Variants in SMOC1 observed in about 807,000 individuals in gnomAD.
The protein encoded by SMOC1 is SPARC-related modular calcium-binding protein 1.
In SMOC1, 22 loss-of-function variants were observed where a neutral mutation model predicts 56.3. That is an observed-to-expected ratio of 0.39 (90% CI 0.28 to 0.56). SMOC1 has a LOEUF of 0.56. SMOC1 is among the 20% of genes least tolerant of loss of function. The probability of loss-of-function intolerance (pLI) is 0.61; values close to 1 mark genes in which losing one functional copy is unlikely to be tolerated. For synonymous variants in SMOC1, 193 were observed against 215.0 expected (o/e 0.90, Z 0.89); for missense variants, 509 against 565.4 (o/e 0.90, Z 1.01).
At chr14:70,025,926 T>C (rs2139621825) in intron 11 of SMOC1, among the ~76,000 whole-genome samples, 1 of 152,260 alleles carries the variant, frequency 6.6e-6, no homozygotes. Context: ...TCCTGAGAAA[T>C]TGAAATAACT....
At chr14:69,889,833 C>T (rs1265766962) in intron 1 of SMOC1, among the ~76,000 whole-genome samples, 2 of 152,206 alleles carry the variant, frequency 1.3e-5, no homozygotes, top group African/African-American at 4.8e-5. Flanking sequence ...TGGCCCCTTC[C>T]ACCTTTAAAG....
chr14:69,891,177 T>C (rs763048842), intron 1 of SMOC1, among the ~76,000 whole-genome samples: 2 of 152,216 alleles, frequency 1.3e-5, no homozygotes, highest in African/African-American at 2.4e-5. Flanking sequence ...ATTGTTTAGA[T>C]GTAAAAAATG....
At chr14:69,948,489 A>G (rs1882872830) in intron 1 of SMOC1, among the ~76,000 whole-genome samples, 1 of 152,140 alleles carries the variant, frequency 6.6e-6, no homozygotes, top group South Asian at 2.1e-4. Flanking sequence ...CTTGTTAGGA[A>G]GCTGGTCTCT....
intron 7 of SMOC1, among the ~76,000 whole-genome samples, chr14:69,999,426 C>G (rs1009087964): frequency 6.6e-6 from 1 of 152,164 alleles, no homozygotes; most frequent in African/African-American, 2.4e-5. Flanking sequence ...CAGCGGTAGC[C>G]GTCGTAAGCA....
chr14:69,888,416 C>A (rs997919932), intron 1 of SMOC1, among the ~76,000 whole-genome samples: 2 of 152,188 alleles, frequency 1.3e-5, no homozygotes, highest in African/African-American at 2.4e-5. Context: ...TGGACGTCAC[C>A]TTGGTTGATT....
At chr14:69,978,037 A>C in intron 5 of SMOC1, 72 bp downstream of exon 5, 1 of 1,225,184 alleles carries the variant, frequency 8.2e-7, no homozygotes, top group South Asian at 1.2e-5. Context: ...CTTAGATGAG[A>C]TAGAAGGAGC....
chr14:69,881,978 A>G (rs1180854374), intron 1 of SMOC1, among the ~76,000 whole-genome samples: 2 of 152,204 alleles, frequency 1.3e-5, no homozygotes, highest in Non-Finnish European at 2.9e-5. Context: ...AGGCAGCTAT[A>G]GTGAGTGTTC....
intron 8 of SMOC1, 36 bp from the exon 9 acceptor site, chr14:70,011,449 C>CA: frequency 1.6e-6 from 2 of 1,257,900 alleles, no homozygotes; most frequent in Non-Finnish European, 2.3e-6. Context: ...CAGTTGCCAG[C>CA]CCCTCCCAAC....
intron 1 of SMOC1, among the ~76,000 whole-genome samples, chr14:69,944,180 T>C (rs1471217337): frequency 6.6e-6 from 1 of 152,216 alleles, no homozygotes; most frequent in Non-Finnish European, 1.5e-5. Context: ...GGACAAGCAA[T>C]GTAAAATTAA....
At chr14:69,987,491 C>G (rs1202226650) in intron 5 of SMOC1, among the ~76,000 whole-genome samples, 1 of 152,152 alleles carries the variant, frequency 6.6e-6, no homozygotes, top group East Asian at 1.9e-4. Flanking sequence ...TTGTATGTGG[C>G]CAGAATAAAC....
intron 1 of SMOC1, among the ~76,000 whole-genome samples, chr14:69,921,931 A>G (rs183139314): frequency 1.4e-4 from 21 of 152,270 alleles, no homozygotes; most frequent in African/African-American, 4.1e-4. Context: ...GCTCTGGATG[A>G]ATTGGGCTGG....
rs571549045 is a variant in SMOC1, at chr14:70,005,242, G to T, written c.665-5512G>T. Among the ~76,000 whole-genome samples the T allele has an allele frequency of 3.6e-4, 55 of 152,336 alleles. No homozygotes were observed. In the Middle Eastern group the frequency reaches 0.01, roughly 28 times the overall value. On this transcript the variant is annotated intron_variant, in intron 7 of 11. Coordinates refer to ENST00000361956, the MANE Select transcript of SMOC1 (RefSeq NM_001034852.3). ...TCTGGGATAAAAGACTAAACTCTGG[G>T]CTAAAATCAAGTCTGGGGATTAGCT...
chr14:69,881,551 A>G (rs1443877892), intron 1 of SMOC1, among the ~76,000 whole-genome samples: 1 of 152,146 alleles, frequency 6.6e-6, no homozygotes, highest in African/African-American at 2.4e-5. Context: ...TTAATTTGAT[A>G]GAAGTGATGG....
intron 7 of SMOC1, among the ~76,000 whole-genome samples, chr14:70,005,201 T>A (rs962426458): frequency 2.0e-5 from 3 of 152,246 alleles, no homozygotes; most frequent in Non-Finnish European, 2.9e-5. Context: ...AAAAAGATGA[T>A]GAAGAAGAAA....
At chr14:69,993,799 G>C (rs1884659204) in intron 6 of SMOC1, among the ~76,000 whole-genome samples, 1 of 152,104 alleles carries the variant, frequency 6.6e-6, no homozygotes, top group South Asian at 2.1e-4. Context: ...CTCATTGAAG[G>C]TCACTCCACA....
chr14:69,996,971 T>C (rs12101270), intron 7 of SMOC1, among the ~76,000 whole-genome samples: 24,638 of 152,254 alleles, frequency 0.16, 2,717 homozygotes, highest in East Asian at 0.4. Context: ...CATATATTTG[T>C]GTAGTGTCTG....
chr14:70,016,739 C>T lies in SMOC1; in HGVS notation c.1046+3248C>T, dbSNP rs1350661078. Among the ~76,000 whole-genome samples the T allele has an allele frequency of 2.0e-5, 3 of 152,280 alleles. No individual in the cohort carries two copies. The South Asian group carries it at 6.2e-4, about 32-fold the overall frequency. On this transcript the variant is annotated intron_variant, in intron 10 of 11. Coordinates refer to ENST00000361956, the MANE Select transcript of SMOC1 (RefSeq NM_001034852.3). ...TACTGGTTCTCCTCAGTTCTGGTTCCTCAAACAAGTCAAGCTCTTGCCTGT... is the reference window on the plus strand; with the variant it reads ...TACTGGTTCTCCTCAGTTCTGGTTCTTCAAACAAGTCAAGCTCTTGCCTGT...
chr14:69,944,913 A>G (rs979797823), intron 1 of SMOC1, among the ~76,000 whole-genome samples: 1 of 152,308 alleles, frequency 6.6e-6, no homozygotes, highest in East Asian at 1.9e-4. Context: ...CCAAGGAAAA[A>G]ATACCATGTT....
chr14:69,883,975 T>C (rs55937719), intron 1 of SMOC1, among the ~76,000 whole-genome samples: 56,248 of 145,190 alleles, frequency 0.39, 11,910 homozygotes, highest in African/African-American at 0.57. Context: ...GGCGCAATCT[T>C]GGCTCACTGC....
Sources: allele counts gnomAD v4.1 joint callset (sites outside exome capture counted in the v4.1 genomes callset), GRCh38; gene constraint gnomAD v4.1.1; transcripts MANE v1.5; gene names NCBI Gene and HGNC (gene_info 2026-07-23, HGNC 2026-07-21).